Variants in SMARCA2 observed in about 807,000 individuals in gnomAD.
SMARCA2 encodes SWI/SNF-related matrix-associated actin-dependent regulator of chromatin subfamily A member 2.
Under a neutral mutation model 199.8 loss-of-function variants are expected in SMARCA2, and 61 were observed. The observed-to-expected ratio is 0.31, with a 90% confidence interval of 0.25 to 0.38. The LOEUF (loss-of-function observed/expected upper bound fraction) is 0.38. Among genes scored for constraint, SMARCA2 ranks in the 10% least tolerant of loss-of-function variants. The pLI is 1.00. For missense variants in SMARCA2, 1,344 were observed against 2,012.2 expected (o/e 0.67, Z 6.35); for synonymous variants, 935 against 732.0 (o/e 1.28, Z -4.48).
At position 2,192,719 on chromosome 9, in the gene SMARCA2, AG is replaced by A; in HGVS notation, c.4754del (p.Ser1585MetfsTer29). ...EQDEREQSEG[S>X]GTDDE ...TTACTTTTAGGAACAGTCAGAAGGA[AG>A]TGGGACGGATGATGAGTGATCAGTA... On this transcript the variant is annotated frameshift_variant, in exon 34 of 34. Transcript: ENST00000349721. LOFTEE classifies it high-confidence loss of function. The A allele has an allele frequency of 6.2e-7, 1 of 1,608,724 alleles. No individual in the cohort carries two copies. The highest frequency in any genetic ancestry group is 8.5e-7 in the Non-Finnish European group (1 of 1,175,082).
intron 25 of SMARCA2, among the ~76,000 whole-genome samples, chr9:2,117,602 G>T (rs866112511): frequency 1.3e-5 from 2 of 152,162 alleles, no homozygotes; most frequent in South Asian, 4.1e-4. Context: ...CTACATTTTT[G>T]CTTATTTGTT....
At chr9:2,120,944 A>T (rs1823432278) in intron 26 of SMARCA2, among the ~76,000 whole-genome samples, 1 of 152,214 alleles carries the variant, frequency 6.6e-6, no homozygotes, top group Non-Finnish European at 1.5e-5. Context: ...GAGGTTAAAG[A>T]TACCCATCAG....
intron 27 of SMARCA2, among the ~76,000 whole-genome samples, chr9:2,152,468 A>C (rs970343891): frequency 1.3e-5 from 2 of 152,162 alleles, no homozygotes; most frequent in Admixed American, 1.3e-4. Context: ...GCTGAAGCAG[A>C]ATTGAACCTG....
At chr9:2,055,240 G>A (rs1563736240) in intron 6 of SMARCA2, among the ~76,000 whole-genome samples, 1 of 152,226 alleles carries the variant, frequency 6.6e-6, no homozygotes, top group East Asian at 1.9e-4. Flanking sequence ...AGTTTGGAGT[G>A]TTTGATCACA....
intron 9 of SMARCA2, 64 bp downstream of exon 9, chr9:2,061,050 A>G: frequency 6.8e-7 from 1 of 1,471,078 alleles, no homozygotes; most frequent in Non-Finnish European, 9.2e-7. Context: ...TTTTAAGGCG[A>G]GTATTGCTCT....
At chr9:2,165,752 G>C (rs1825901086) in intron 28 of SMARCA2, among the ~76,000 whole-genome samples, 2 of 152,208 alleles carry the variant, frequency 1.3e-5, no homozygotes, top group Admixed American at 6.5e-5. Context: ...GAGATGTAGA[G>C]TTAGACGGTA....
At chr9:2,150,339 C>T (rs1824998703) in intron 27 of SMARCA2, among the ~76,000 whole-genome samples, 1 of 151,676 alleles carries the variant, frequency 6.6e-6, no homozygotes, top group South Asian at 2.1e-4. Flanking sequence ...CAGCCAATCA[C>T]TCTGGCTGTG....
Position 2,170,547 on chromosome 9 carries a change from A to G in SMARCA2, c.4253+75A>G. On this transcript the variant is annotated intron_variant, in intron 29 of 33. Coordinates refer to ENST00000349721, the MANE Select transcript of SMARCA2 (RefSeq NM_003070.5). This position sits in a 1 kb window ranked among gnomAD's most constrained non-coding sequence, Gnocchi z 4.7. ...TTACGTGAAACAGATTGAATCATAT[A>G]ATCGGCCTTTGGAAGCAAATTTCTT... 2 of 1,609,378 alleles carry G rather than the reference A, an allele frequency of 1.2e-6. No individual in the cohort carries two copies. The highest frequency in any genetic ancestry group is 2.7e-5 in the African/African-American group (2 of 74,946).
chr9:2,096,492 T>C (rs1822278892), intron 19 of SMARCA2, 165 bp from the exon 20 acceptor site: 2 of 570,474 alleles, frequency 3.5e-6, no homozygotes, highest in Admixed American at 6.0e-5. Context: ...CAATGATGAC[T>C]CTGGTCTCTT....
At chr9:2,070,963 T>C (rs192076400) in intron 10 of SMARCA2, among the ~76,000 whole-genome samples, 1 of 152,368 alleles carries the variant, frequency 6.6e-6, no homozygotes, top group African/African-American at 2.4e-5. Flanking sequence ...AGCCTAGTCC[T>C]AAAATTCATT....
rs1004103772 is a variant in SMARCA2, at chr9:2,169,448, C to G, written c.4200-971C>G. ...TTTTTCCAACGCACCCCTCCCAGCT[C>G]TCCTTATATTTCAGACATTCCAAAG... On this transcript the variant is annotated intron_variant, in intron 28 of 33. Transcript: ENST00000349721. This position sits in a 1 kb window ranked among gnomAD's most constrained non-coding sequence, Gnocchi z 6.5. 6.6e-6 allele frequency among the ~76,000 whole-genome samples: 1 copy of G among 152,130 alleles called. No individual in the cohort carries two copies. The highest frequency in any genetic ancestry group is 1.5e-5 in the Non-Finnish European group (1 of 68,032).
chr9:2,192,833 T>C lies in SMARCA2; in HGVS notation c.*94T>C. Reference sequence around the variant, plus strand: ...TTCATTTGTCATATAGGCACTGGGTTGTTTCTATATCATCATCGTCTATAA... The same window carrying C: ...TTCATTTGTCATATAGGCACTGGGTCGTTTCTATATCATCATCGTCTATAA... On this transcript the variant is annotated 3_prime_UTR_variant, in exon 34 of 34. Coordinates refer to ENST00000349721, the MANE Select transcript of SMARCA2 (RefSeq NM_003070.5). 1 of 857,692 alleles carries C rather than the reference T, an allele frequency of 1.2e-6. No homozygotes were observed. The highest frequency in any genetic ancestry group is 2.0e-6 in the Non-Finnish European group (1 of 504,030). The allele number at this position is 857,692 out of a possible 1,614,324, so 53.1% of individuals were successfully genotyped here.
chr9:2,185,894 T>C (rs185954541), intron 31 of SMARCA2, among the ~76,000 whole-genome samples: 2 of 152,346 alleles, frequency 1.3e-5, no homozygotes, highest in Admixed American at 6.5e-5. Context: ...TAATTTCAAC[T>C]GCATTTGGAC....
At chr9:2,073,059 T>A in intron 10 of SMARCA2, 153 bp from the exon 11 acceptor site, 2 of 803,694 alleles carry the variant, frequency 2.5e-6, no homozygotes, top group African/African-American at 3.5e-5. Context: ...AGGTAGCCTC[T>A]CACCTCCCAC....
intron 31 of SMARCA2, among the ~76,000 whole-genome samples, chr9:2,183,465 GACTTTTTTCC>G: frequency 6.6e-6 from 1 of 152,244 alleles, no homozygotes; most frequent in South Asian, 2.1e-4. Context: ...CCTTATGTAG[GACTTTTTTCC>G]TGTCTGTATC....
intron 27 of SMARCA2, among the ~76,000 whole-genome samples, chr9:2,132,577 A>T (rs1028340409): frequency 6.6e-6 from 1 of 152,208 alleles, no homozygotes; most frequent in Admixed American, 6.5e-5. Flanking sequence ...CTTTGTAAAC[A>T]TGGACCCTTT....
At chr9:2,118,719 A>G (rs1823324674) in intron 25 of SMARCA2, among the ~76,000 whole-genome samples, 1 of 152,232 alleles carries the variant, frequency 6.6e-6, no homozygotes, top group Non-Finnish European at 1.5e-5. Flanking sequence ...TTGGTTTCTG[A>G]GGAATTAGCA....
intron 4 of SMARCA2, 149 bp downstream of exon 4, chr9:2,040,049 G>A (rs1300366869): frequency 1.4e-6 from 2 of 1,412,792 alleles, no homozygotes; most frequent in African/African-American, 2.9e-5. Flanking sequence ...CCACTTAGAT[G>A]GCCAAGATTC....
chr9:2,032,303 G>T (rs1377575036), intron 2 of SMARCA2, among the ~76,000 whole-genome samples: 1 of 152,184 alleles, frequency 6.6e-6, no homozygotes, highest in Admixed American at 6.5e-5. Context: ...TGTCTGTCAC[G>T]TATTATGCCT....
Sources: allele counts gnomAD v4.1 joint callset (sites outside exome capture counted in the v4.1 genomes callset), GRCh38; gene constraint gnomAD v4.1.1; non-coding constraint Gnocchi (gnomAD v3.1); transcripts MANE v1.5; gene names NCBI Gene and HGNC (gene_info 2026-07-23, HGNC 2026-07-21).